TCF7L1: variants seen among roughly 807,000 people sequenced by gnomAD.
TCF7L1 encodes the protein transcription factor 7-like 1.
TCF7L1 carries 18 observed loss-of-function variants against 63.7 expected under a neutral mutation model. The observed-to-expected ratio is 0.28, with a 90% confidence interval of 0.20 to 0.42. The LOEUF is 0.42. Among genes scored for constraint, TCF7L1 ranks in the 10% least tolerant of loss-of-function variants. The probability of loss-of-function intolerance (pLI) is 1.00; values close to 1 mark genes in which losing one functional copy is unlikely to be tolerated. For missense variants in TCF7L1, 654 were observed against 779.3 expected (o/e 0.84, Z 1.91); for synonymous variants, 355 against 340.9 (o/e 1.04, Z -0.46).
At chr2:85,179,101 G>A (rs975598467) in intron 3 of TCF7L1, among the ~76,000 whole-genome samples, 1 of 152,152 alleles carries the variant, frequency 6.6e-6, no homozygotes, top group African/African-American at 2.4e-5. Context: ...GCTTCTGCAG[G>A]CGTTGTTGTC....
At chr2:85,172,974 G>A (rs187659648) in intron 3 of TCF7L1, among the ~76,000 whole-genome samples, 20 of 152,282 alleles carry the variant, frequency 1.3e-4, no homozygotes, top group Admixed American at 7.2e-4. Context: ...TTGTTCACTG[G>A]TCTACCCCAG....
At chr2:85,218,682 T>G (rs1204436668) in intron 3 of TCF7L1, among the ~76,000 whole-genome samples, 1 of 152,162 alleles carries the variant, frequency 6.6e-6, no homozygotes, top group Admixed American at 6.5e-5. Context: ...CTAAAGCTTT[T>G]GCATTTTTTC....
intron 3 of TCF7L1, among the ~76,000 whole-genome samples, chr2:85,239,008 G>A (rs1457599261): frequency 6.6e-6 from 1 of 151,918 alleles, no homozygotes; most frequent in African/African-American, 2.4e-5. Flanking sequence ...TTTTAGTAGA[G>A]ATGGAGTTTC....
chr2:85,292,572 C>G (rs2104378724), intron 4 of TCF7L1, among the ~76,000 whole-genome samples: 1 of 152,094 alleles, frequency 6.6e-6, no homozygotes, highest in South Asian at 2.1e-4. Flanking sequence ...CTTAAGTTAG[C>G]TATTTCTCTC....
intron 3 of TCF7L1, among the ~76,000 whole-genome samples, chr2:85,184,682 G>C (rs1332253285): frequency 2.0e-5 from 3 of 152,132 alleles, no homozygotes; most frequent in Admixed American, 6.5e-5. Flanking sequence ...TAAGGACAAG[G>C]CTGCAGCACT....
At chr2:85,205,109 A>G (rs1420429731) in intron 3 of TCF7L1, 1 of 152,234 alleles carries the variant, frequency 6.6e-6, no homozygotes, top group Non-Finnish European at 1.5e-5. Flanking sequence ...AGGATTAGTT[A>G]GAATTTTTTC....
intron 3 of TCF7L1, among the ~76,000 whole-genome samples, chr2:85,163,080 G>C (rs183189117): frequency 6.6e-6 from 1 of 152,114 alleles, no homozygotes; most frequent in Admixed American, 6.5e-5. Context: ...AAGGTCGTAG[G>C]GTCCAGTGGC....
intron 3 of TCF7L1, among the ~76,000 whole-genome samples, chr2:85,274,249 C>T (rs900693406): frequency 3.3e-5 from 5 of 152,162 alleles, no homozygotes; most frequent in Admixed American, 2.6e-4. Flanking sequence ...AGGCAGCTTG[C>T]GACTCAGCAG....
intron 3 of TCF7L1, among the ~76,000 whole-genome samples, chr2:85,271,106 CA>C (rs1215523033): frequency 8.6e-5 from 13 of 151,644 alleles, no homozygotes; most frequent in Non-Finnish European, 1.6e-4. Context: ...CAGCCTCCAG[CA>C]GGCTCAATTT....
intron 3 of TCF7L1, among the ~76,000 whole-genome samples, chr2:85,178,447 A>C (rs1678727674): frequency 6.6e-6 from 1 of 151,704 alleles, no homozygotes; most frequent in Admixed American, 6.6e-5. Context: ...TATTTACTGA[A>C]CTCCTCCTGT....
In TCF7L1 at chr2:85,310,300, CTTTT is replaced by C. The variant is rs1393716677; in HGVS notation, c.*840_*843del. On this transcript the variant is annotated 3_prime_UTR_variant, in exon 12 of 12. Coordinates refer to ENST00000282111, the MANE Select transcript of TCF7L1 (RefSeq NM_031283.3). Reference sequence around the variant, plus strand: ...TCACATGCTTCTTCTGTGTGTATTTCTTTTTGTTTTTATGGTTTTTGGAGCAATT... The same window carrying C: ...TCACATGCTTCTTCTGTGTGTATTTCTGTTTTTATGGTTTTTGGAGCAATT... The C allele has an allele frequency of 1.3e-5, 2 of 152,514 alleles. No homozygotes were observed. Among genetic ancestry groups the C allele is most frequent in the Non-Finnish European group, 2.9e-5 (2 of 68,018 alleles). 9.4% of individuals were successfully genotyped at this position (152,514 alleles called of 1,614,324 possible).
intron 3 of TCF7L1, among the ~76,000 whole-genome samples, chr2:85,135,101 T>C (rs1574073190): frequency 6.6e-6 from 1 of 152,204 alleles, no homozygotes; most frequent in South Asian, 2.1e-4. Flanking sequence ...CTGCGACACT[T>C]TAAACCTGTT....
At chr2:85,152,654 T>G in intron 3 of TCF7L1, among the ~76,000 whole-genome samples, 1 of 131,836 alleles carries the variant, frequency 7.6e-6, no homozygotes, top group South Asian at 2.3e-4. Flanking sequence ...AGGCTGGTCT[T>G]AAACTCTAGA....
At chr2:85,215,941 A>T (rs1679692998) in intron 3 of TCF7L1, among the ~76,000 whole-genome samples, 1 of 152,324 alleles carries the variant, frequency 6.6e-6, no homozygotes, top group African/African-American at 2.4e-5. Context: ...CTCATAACAG[A>T]AACACCAGAG....
In TCF7L1 at chr2:85,236,705, A is replaced by G. The variant is rs541648648; in HGVS notation, c.442-46790A>G. Among the ~76,000 whole-genome samples, 26 of 152,294 alleles carry G rather than the reference A, an allele frequency of 1.7e-4. No individual in the cohort carries two copies. In the South Asian group the frequency reaches 5.4e-3, roughly 32 times the overall value. ...GGGCTGTGTTGGGGGCAGGGGCAAC[A>G]TAAGAGGTAAACAGAGTCCCAAGTC... On this transcript the variant is annotated intron_variant, in intron 3 of 11. Transcript: ENST00000282111.
At position 85,153,340 on chromosome 2, in the gene TCF7L1, A is replaced by ATTTTTTTTTTTTTTTTTTTT. The variant is rs66697146; in HGVS notation, c.441+18909_441+18910insTTTTTTTTTTTTTTTTTTTT. On this transcript the variant is annotated intron_variant, in intron 3 of 11. Transcript: ENST00000282111. Reference sequence around the variant, plus strand: ...TTCATGATCTTGCTAGCCTTTATAAATTTTTTTTTTTTTTTTTTTGAGATG... The same window carrying ATTTTTTTTTTTTTTTTTTTT: ...TTCATGATCTTGCTAGCCTTTATAAATTTTTTTTTTTTTTTTTTTTTTTTTTTTTTTTTTTTTTTGAGATG... 7.3e-4 allele frequency among the ~76,000 whole-genome samples: 75 copies of ATTTTTTTTTTTTTTTTTTTT among 102,256 alleles called. 5 individuals carry two copies. The highest frequency in any genetic ancestry group is 1.1e-3 in the Non-Finnish European group (58 of 55,218). 67.1% of individuals were successfully genotyped at this position (102,256 alleles called of 152,430 possible).
chr2:85,203,207 A>G (rs758322178), intron 3 of TCF7L1, among the ~76,000 whole-genome samples: 14 of 152,148 alleles, frequency 9.2e-5, no homozygotes, highest in Non-Finnish European at 1.9e-4. Context: ...TTTTAATAGC[A>G]TTTCTAACAT....
chr2:85,205,243 T>C (rs1006728109), intron 3 of TCF7L1, among the ~76,000 whole-genome samples: 1 of 152,198 alleles, frequency 6.6e-6, no homozygotes, highest in East Asian at 1.9e-4. Context: ...TGAAAAAGAA[T>C]AAAGATATTT....
intron 11 of TCF7L1, among the ~76,000 whole-genome samples, chr2:85,308,351 CCCTCCCTCCCTTTCTT>C (rs1323644701): frequency 6.6e-6 from 1 of 151,186 alleles, no homozygotes. Context: ...CTTCATTCCT[CCCTCCCTCCCTTTCTT>C]CCTCCCTCCC....
Sources: allele counts gnomAD v4.1 joint callset (sites outside exome capture counted in the v4.1 genomes callset), GRCh38; gene constraint gnomAD v4.1.1; transcripts MANE v1.5; gene names NCBI Gene and HGNC (gene_info 2026-07-23, HGNC 2026-07-21).